The following AMN variants were observed in gnomAD, a reference collection of about 807,000 sequenced individuals.
AMN encodes the protein protein amnionless.
AMN carries 40 observed loss-of-function variants against 49.1 expected under a neutral mutation model. The ratio of observed to expected loss-of-function variants is 0.81; its 90% CI spans 0.63 to 1.06. The LOEUF (loss-of-function observed/expected upper bound fraction) is 1.06. Ranked by LOEUF, AMN falls within the 50% of genes least tolerant of loss-of-function variation. The pLI is 0.00. For synonymous variants in AMN, 380 were observed against 313.3 expected, an observed-to-expected ratio of 1.21 and a Z score of -2.25; for missense variants, 701 against 662.8, an observed-to-expected ratio of 1.06 and a Z score of -0.63.
Position 102,923,936 on chromosome 14 carries a change from T to C in AMN, c.164T>C (p.Met55Thr). ...GGCTGAGGCAGCTTCTTCCTGCAGA[T>C]GGTGTCAGTCCTGGTGCAAGAAGGT... Reference protein sequence around the residue: ...GGAVEFPADKMVSVLVQEGHA... With the variant: ...GGAVEFPADKTVSVLVQEGHA... The change falls in exon 3 of 12, where the codon ATG (methionine) becomes ACG (threonine). Residue 55 changes from methionine (M) to threonine (T), a missense_variant and splice_region_variant. Met to Thr is a moderately conservative substitution (Grantham distance 81, BLOSUM62 -1). Coordinates refer to ENST00000299155, the MANE Select transcript of AMN (RefSeq NM_030943.4). 1 of 1,613,164 alleles carries C rather than the reference T, an allele frequency of 6.2e-7. No homozygotes were observed. The highest frequency in any genetic ancestry group is 8.5e-7 in the Non-Finnish European group (1 of 1,180,010).
chr14:102,930,583 C>T lies in AMN; in HGVS notation c.1265C>T (p.Pro422Leu). The stretch of plus-strand genomic sequence containing the variant: ...GACCCTGTCACCCCGCAGCCCCTGC[C>T]GCGGCGGCTCAGCCTGGTTCCGAAG... ...DVTASEELPL[P>L]RRLSLVPKAA... The change falls in exon 12 of 12, where the codon CCG becomes CTG. Residue 422 changes from proline (P) to leucine (L), a missense_variant. Pro to Leu is a moderately conservative substitution (Grantham distance 98). Coordinates refer to ENST00000299155, the MANE Select transcript of AMN (RefSeq NM_030943.4). 1.9e-6 allele frequency: 3 copies of T among 1,579,086 alleles called. No homozygotes were observed. The highest frequency in any genetic ancestry group is 1.2e-5 in the South Asian group (1 of 86,514).
At chr14:102,924,388 G>T (rs973877518) in intron 3 of AMN, among the ~76,000 whole-genome samples, 3 of 152,162 alleles carry the variant, frequency 2.0e-5, no homozygotes, top group Non-Finnish European at 4.4e-5. Context: ...GGCCTGTTAG[G>T]AAGTGGCCGC....
Position 102,923,825 on chromosome 14 carries a change from A to T in AMN, c.158A>T (p.Asp53Val). Residue 53 changes from aspartate (D) to valine (V), a missense_variant, in exon 2 of 12, where the codon GAC (aspartate) becomes GTC (valine). Coordinates refer to ENST00000299155, the MANE Select transcript of AMN (RefSeq NM_030943.4). ...CAGGAVEFPA[D>V]KMVSVLVQEG... ...GGCGGCGCCGTTGAGTTCCCGGCGGACAAGGTGCCTGGGAGCGCCGGCGGG... is the reference window on the plus strand; with the variant it reads ...GGCGGCGCCGTTGAGTTCCCGGCGGTCAAGGTGCCTGGGAGCGCCGGCGGG... 1 of 1,612,566 alleles carries T rather than the reference A, an allele frequency of 6.2e-7. No individual in the cohort carries two copies. Among genetic ancestry groups the T allele is most frequent in the South Asian group, 1.1e-5 (1 of 91,060 alleles).
chr14:102,924,471 C>T (rs2139302487), intron 3 of AMN, among the ~76,000 whole-genome samples: 1 of 152,316 alleles, frequency 6.6e-6, no homozygotes, highest in African/African-American at 2.4e-5. Flanking sequence ...CTAGGGACCC[C>T]TATTGTCACT....
chr14:102,928,354 A>C (rs1891234686), intron 3 of AMN, 72 bp from the exon 4 acceptor site: 1 of 1,372,008 alleles, frequency 7.3e-7, no homozygotes, highest in Non-Finnish European at 1.0e-6. Context: ...GTCCCAGGGG[A>C]CTGGGGGCGG....
chr14:102,928,737 C>T, intron 4 of AMN, 21 bp from the exon 5 acceptor site: 3 of 1,602,240 alleles, frequency 1.9e-6, no homozygotes, highest in Middle Eastern at 1.7e-4. Context: ...CCGTGGAGCT[C>T]AGGGATGTGC....
At chr14:102,923,479 CG>C in intron 1 of AMN, 1 of 545,598 alleles carries the variant, frequency 1.8e-6, no homozygotes, top group Non-Finnish European at 3.3e-6. Context: ...CTGCAGGGCG[CG>C]TTTGAGCGGG....
chr14:102,927,499 T>C (rs942438632), intron 3 of AMN, among the ~76,000 whole-genome samples: 1 of 152,340 alleles, frequency 6.6e-6, no homozygotes, highest in East Asian at 1.9e-4. Context: ...TGGGGGGACT[T>C]GCCCTGCTGG....
chr14:102,926,016 C>G (rs1334189692), intron 3 of AMN, among the ~76,000 whole-genome samples: 1 of 152,198 alleles, frequency 6.6e-6, no homozygotes, highest in Non-Finnish European at 1.5e-5. Context: ...CCTCCCATTT[C>G]TACCTTTTGC....
chr14:102,929,786 C>T (rs1178900351), intron 8 of AMN, 49 bp downstream of exon 8: 2 of 1,545,278 alleles, frequency 1.3e-6, no homozygotes, highest in Non-Finnish European at 1.7e-6. Context: ...CCCAGCCCTA[C>T]CGCCTCCGCC....
In AMN at chr14:102,923,923, T is replaced by C. The variant is rs777863436; in HGVS notation, c.163-12T>C. On this transcript the variant is annotated splice_polypyrimidine_tract_variant and intron_variant, in intron 2 of 11. Coordinates refer to ENST00000299155, the MANE Select transcript of AMN (RefSeq NM_030943.4). ...TTGCTCCCGGCTCGGCTGAGGCAGCTTCTTCCTGCAGATGGTGTCAGTCCT... is the reference window on the plus strand; with the variant it reads ...TTGCTCCCGGCTCGGCTGAGGCAGCCTCTTCCTGCAGATGGTGTCAGTCCT... 1.9e-6 allele frequency: 3 copies of C among 1,613,124 alleles called. No homozygotes were observed. The South Asian group carries it at 3.3e-5, about 18-fold the overall frequency.
At chr14:102,929,048 A>G (rs2139309747) in intron 5 of AMN, 73 bp downstream of exon 5, 1 of 1,596,412 alleles carries the variant, frequency 6.3e-7, no homozygotes. Context: ...CCTGGTCTGC[A>G]CACGTTGGGT....
Position 102,929,158 on chromosome 14 carries a change from C to A in AMN, c.551C>A (p.Ala184Glu). The change falls in exon 6 of 12, where the codon GCG (alanine) becomes GAG (glutamate). Residue 184 changes from alanine (A) to glutamate (E), a missense_variant. Coordinates refer to ENST00000299155, the MANE Select transcript of AMN (RefSeq NM_030943.4). ...GACGAGGACCTGGCTGTTTTCCTGGCGTCCCGCGCGGGCCGCCTACGCTTC... is the reference window on the plus strand; with the variant it reads ...GACGAGGACCTGGCTGTTTTCCTGGAGTCCCGCGCGGGCCGCCTACGCTTC... The part of the protein sequence containing the change: ...TRDEDLAVFL[A>E]SRAGRLRFHG... 3.8e-6 allele frequency: 6 copies of A among 1,596,422 alleles called. No homozygotes were observed. Among genetic ancestry groups the A allele is most frequent in the African/African-American group, 1.3e-5 (1 of 75,014 alleles).
At chr14:102,923,885 GCC>G in intron 2 of AMN, 48 bp from the exon 3 acceptor site, 5 of 1,612,940 alleles carry the variant, frequency 3.1e-6, no homozygotes, top group Non-Finnish European at 4.2e-6. Context: ...AGACCGTGTG[GCC>G]CCGGTGGGGG....
intron 1 of AMN, chr14:102,923,018 G>C (rs1041084526): frequency 4.2e-4 from 189 of 446,288 alleles, no homozygotes; most frequent in Non-Finnish European, 6.1e-4. Flanking sequence ...TTTTCCGTCT[G>C]CGAAATGGGC....
intron 3 of AMN, 63 bp from the exon 4 acceptor site, chr14:102,928,363 G>A (rs539329415): frequency 5.5e-6 from 8 of 1,447,376 alleles, no homozygotes; most frequent in South Asian, 1.2e-5. Context: ...GACTGGGGGC[G>A]GGGTGGGCGC....
intron 4 of AMN, 119 bp from the exon 5 acceptor site, chr14:102,928,639 G>C: frequency 6.7e-7 from 1 of 1,494,132 alleles, no homozygotes; most frequent in Non-Finnish European, 9.0e-7. Flanking sequence ...TTTAGGGAGT[G>C]GCGGAAGTGT....
Position 102,928,533 on chromosome 14 carries a change from G to A in AMN, c.295+20G>A, listed in dbSNP as rs575726554. The A allele has an allele frequency of 6.3e-6, 10 of 1,595,606 alleles. No individual in the cohort carries two copies. In the African/African-American group the frequency reaches 1.1e-4, roughly 17 times the overall value. ...GCGCGGGTGAGGCGGTCGGGCAGGG[G>A]CGGGGCTCTGGAAAGGCATGTTCAG... On this transcript the variant is annotated intron_variant, in intron 4 of 11. Coordinates refer to ENST00000299155, the MANE Select transcript of AMN (RefSeq NM_030943.4).
Position 102,930,484 on chromosome 14 carries a change from C to T in AMN, c.1248C>T (p.Ser416=), listed in dbSNP as rs987148709. 5.0e-5 allele frequency: 76 copies of T among 1,534,374 alleles called. No homozygotes were observed. The highest frequency in any genetic ancestry group is 6.5e-5 in the Non-Finnish European group (74 of 1,142,726). Reference sequence around the variant, plus strand: ...ACCCGGTGTTCGACGTGACGGCCTCCGAGGAGCTGGTGAGGGGGCTGGAGG... The same window carrying T: ...ACCCGGTGTTCGACGTGACGGCCTCTGAGGAGCTGGTGAGGGGGCTGGAGG... The part of the protein sequence containing the change: ...FRNPVFDVTA[S]EELPLPRRLS... The change falls in exon 11 of 12, where the codon TCC becomes TCT. Residue 416 remains serine (S), a synonymous_variant. Coordinates refer to ENST00000299155, the MANE Select transcript of AMN (RefSeq NM_030943.4).
Sources: allele counts gnomAD v4.1 joint callset (sites outside exome capture counted in the v4.1 genomes callset), GRCh38; gene constraint gnomAD v4.1.1; transcripts MANE v1.5; gene names NCBI Gene and HGNC (gene_info 2026-07-23, HGNC 2026-07-21).